Variants in CADPS2 observed in about 807,000 individuals in gnomAD.
CADPS2 encodes the protein calcium-dependent secretion activator 2.
A neutral mutation model predicts 172.5 loss-of-function variants in CADPS2; 93 were observed. That is an observed-to-expected ratio of 0.54 (90% CI 0.46 to 0.64). CADPS2 has a LOEUF of 0.64. Ranked by LOEUF, CADPS2 falls within the 30% of genes least tolerant of loss-of-function variation. The pLI is 0.00. For missense variants in CADPS2, 1,420 were observed against 1,565.9 expected (o/e 0.91, Z 1.57); for synonymous variants, 546 against 555.2 (o/e 0.98, Z 0.23).
Position 122,428,452 on chromosome 7 carries a change from CATAT to C in CADPS2, c.2476+9885_2476+9888del, listed in dbSNP as rs35344551. On this transcript the variant is annotated intron_variant, in intron 17 of 29. Transcript: ENST00000449022. ...GTATACCTATACATATATATACACA[CATAT>C]ATATATATATATATATTTTTTTTTT... is the stretch of plus-strand genomic sequence containing the variant. 1.6e-3 allele frequency among the ~76,000 whole-genome samples: 237 copies of C among 144,468 alleles called. 1 individual carries two copies. Among genetic ancestry groups the C allele is most frequent in the African/African-American group, 2.3e-3 (92 of 39,216 alleles). 94.8% of individuals were successfully genotyped at this position (144,468 alleles called of 152,430 possible). A position where few individuals can be genotyped will look rare whatever the true frequency, so the allele number is the denominator to read the frequency against.
intron 2 of CADPS2, chr7:122,698,860 T>C: frequency 6.2e-7 from 1 of 1,612,004 alleles, no homozygotes; most frequent in Non-Finnish European, 8.5e-7. Flanking sequence ...AACACTGAAC[T>C]TCATAAGCCA....
At chr7:122,328,242 T>C (rs1167401420) in intron 28 of CADPS2, among the ~76,000 whole-genome samples, 2 of 152,030 alleles carry the variant, frequency 1.3e-5, no homozygotes, top group African/African-American at 4.8e-5. Context: ...CTGGGATTAA[T>C]ACGTCCTCCT....
At chr7:122,830,494 CAA>C (rs1360216401) in intron 1 of CADPS2, among the ~76,000 whole-genome samples, 1 of 151,712 alleles carries the variant, frequency 6.6e-6, no homozygotes, top group African/African-American at 2.4e-5. Context: ...TTAAAATAAG[CAA>C]ACAGTAGTTA....
intron 7 of CADPS2, among the ~76,000 whole-genome samples, chr7:122,565,494 A>G (rs1185178193): frequency 6.6e-6 from 1 of 152,186 alleles, no homozygotes; most frequent in Non-Finnish European, 1.5e-5. Flanking sequence ...CTACTATGGC[A>G]GAGCCAATAC....
At chr7:122,722,420 C>T (rs1370685189) in intron 2 of CADPS2, among the ~76,000 whole-genome samples, 1 of 151,368 alleles carries the variant, frequency 6.6e-6, no homozygotes, top group Non-Finnish European at 1.5e-5. Flanking sequence ...AGAGCCAAAT[C>T]ATGAGTGAAC....
chr7:122,534,211 CT>C (rs2062026488), intron 8 of CADPS2, among the ~76,000 whole-genome samples: 1 of 152,034 alleles, frequency 6.6e-6, no homozygotes, highest in Non-Finnish European at 1.5e-5. Context: ...CTCTAGACAA[CT>C]TTAATATGAG....
intron 2 of CADPS2, among the ~76,000 whole-genome samples, chr7:122,682,655 T>G (rs2083178356): frequency 6.6e-6 from 1 of 152,196 alleles, no homozygotes; most frequent in Non-Finnish European, 1.5e-5. Flanking sequence ...AATTACAGAA[T>G]TCAATTCACC....
chr7:122,700,155 GT>G (rs1383041829), intron 2 of CADPS2, among the ~76,000 whole-genome samples: 1 of 152,128 alleles, frequency 6.6e-6, no homozygotes, highest in Non-Finnish European at 1.5e-5. Context: ...ATCTCAGTGG[GT>G]TTTTTCCCAC....
chr7:122,726,205 G>T (rs2137304521), intron 2 of CADPS2, among the ~76,000 whole-genome samples: 1 of 151,948 alleles, frequency 6.6e-6, no homozygotes, highest in African/African-American at 2.4e-5. Context: ...CAACTGTAAG[G>T]GGGACTATGT....
intron 6 of CADPS2, among the ~76,000 whole-genome samples, chr7:122,609,678 C>G (rs1003482947): frequency 6.6e-6 from 1 of 152,306 alleles, no homozygotes; most frequent in East Asian, 1.9e-4. Flanking sequence ...CAACCTCACA[C>G]GCTGTTTCCT....
intron 11 of CADPS2, among the ~76,000 whole-genome samples, chr7:122,482,394 TA>T (rs1450761623): frequency 6.6e-6 from 1 of 151,986 alleles, no homozygotes; most frequent in African/African-American, 2.4e-5. Flanking sequence ...TGTAAAACAT[TA>T]CATAACGCAC....
At chr7:122,790,019 A>AGT (rs1434952093) in intron 1 of CADPS2, among the ~76,000 whole-genome samples, 1 of 145,766 alleles carries the variant, frequency 6.9e-6, no homozygotes, top group Non-Finnish European at 1.5e-5. Context: ...AGGCAAACAA[A>AGT]TATTAAGTGT....
chr7:122,572,069 T>C (rs1312368577), intron 7 of CADPS2, among the ~76,000 whole-genome samples: 1 of 152,170 alleles, frequency 6.6e-6, no homozygotes, highest in African/African-American at 2.4e-5. Context: ...TTAGAGAAGC[T>C]CCTCGTGAAA....
At chr7:122,715,095 G>A (rs758827082) in intron 2 of CADPS2, among the ~76,000 whole-genome samples, 6 of 152,114 alleles carry the variant, frequency 3.9e-5, no homozygotes, top group Non-Finnish European at 5.9e-5. Flanking sequence ...AAACAATTCC[G>A]TTTATGGCAA....
chr7:122,463,715 TG>T (rs1323691682), intron 14 of CADPS2, among the ~76,000 whole-genome samples: 43 of 152,296 alleles, frequency 2.8e-4, no homozygotes, highest in Admixed American at 2.7e-3. Flanking sequence ...TATTCATCTT[TG>T]GCAAACAGTA....
At chr7:122,860,865 C>T (rs1307811680) in intron 1 of CADPS2, among the ~76,000 whole-genome samples, 6 of 152,224 alleles carry the variant, frequency 3.9e-5, no homozygotes, top group Admixed American at 2.6e-4. Context: ...TTTCACTTAA[C>T]ATAACATCCT....
At chr7:122,720,865 G>T (rs994604112) in intron 2 of CADPS2, among the ~76,000 whole-genome samples, 1 of 151,876 alleles carries the variant, frequency 6.6e-6, no homozygotes, top group East Asian at 1.9e-4. Context: ...TAAAGCTGGG[G>T]TGTATTTTTT....
intron 1 of CADPS2, among the ~76,000 whole-genome samples, chr7:122,869,249 C>A (rs568497712): frequency 1.3e-5 from 2 of 152,148 alleles, no homozygotes; most frequent in African/African-American, 4.8e-5. Context: ...CAATAAGACA[C>A]ATTATAATCA....
At chr7:122,342,389 A>G (rs2036915943) in intron 28 of CADPS2, among the ~76,000 whole-genome samples, 1 of 152,184 alleles carries the variant, frequency 6.6e-6, no homozygotes, top group Non-Finnish European at 1.5e-5. Context: ...GTATTTCATC[A>G]CAAAAATCAG....
Sources: allele counts gnomAD v4.1 joint callset (sites outside exome capture counted in the v4.1 genomes callset), GRCh38; gene constraint gnomAD v4.1.1; transcripts MANE v1.5; gene names NCBI Gene and HGNC (gene_info 2026-07-23, HGNC 2026-07-21).